SLC25A26: variants seen among roughly 807,000 people sequenced by gnomAD.
SLC25A26 encodes mitochondrial S-adenosylmethionine carrier protein.
Under a neutral mutation model 37.8 loss-of-function variants are expected in SLC25A26, and 36 were observed. The ratio of observed to expected loss-of-function variants is 0.95; its 90% CI spans 0.73 to 1.26. The LOEUF is 1.26. Ranked by LOEUF, SLC25A26 falls within the 50% of genes most tolerant of loss-of-function variation. The pLI, the probability that SLC25A26 is intolerant of heterozygous loss-of-function variation, is 0.00. For synonymous variants in SLC25A26, 129 were observed against 122.5 expected, an observed-to-expected ratio of 1.05 and a Z score of -0.35; for missense variants, 390 against 331.1, an observed-to-expected ratio of 1.18 and a Z score of -1.38.
intron 1 of SLC25A26, among the ~76,000 whole-genome samples, chr3:66,178,976 C>G (rs934407455): frequency 1.3e-5 from 2 of 152,038 alleles, no homozygotes; most frequent in African/African-American, 2.4e-5. Context: ...GGGAGGCAGA[C>G]AGGAACATGA....
rs77378613 is a variant in SLC25A26, at chr3:66,252,347, G to A, written c.300+9035G>A. Among the ~76,000 whole-genome samples, 517 of 152,230 alleles carry A rather than the reference G, an allele frequency of 3.4e-3. 3 individuals are homozygous for A. Among genetic ancestry groups the A allele is most frequent in the East Asian group, 0.017 (88 of 5,194 alleles). Reference sequence around the variant, plus strand: ...ACACCGAATAAGAAATTTGATCCCCGTTTTTGAGGAGCATATAAGTAAGTT... The same window carrying A: ...ACACCGAATAAGAAATTTGATCCCCATTTTTGAGGAGCATATAAGTAAGTT... On this transcript the variant is annotated intron_variant, in intron 3 of 9. Transcript: ENST00000354883.
At chr3:66,212,396 G>A (rs980708254) in intron 1 of SLC25A26, among the ~76,000 whole-genome samples, 3 of 151,972 alleles carry the variant, frequency 2.0e-5, no homozygotes, top group Non-Finnish European at 4.4e-5. Flanking sequence ...GATTACAAAT[G>A]CAAGCCAATG....
At position 66,366,721 on chromosome 3, in the gene SLC25A26, G is replaced by A. The variant is rs76345992; in HGVS notation, c.569-2757G>A. Among the ~76,000 whole-genome samples, 678 of 152,234 alleles carry A rather than the reference G, an allele frequency of 4.5e-3. 3 individuals carry two copies. Among genetic ancestry groups the A allele is most frequent in the East Asian group, 0.019 (97 of 5,184 alleles). ...AGGTCTTTTTAATTGGTTTAGGATCGTTTGTGAACATTTTCACATACGAAA... is the reference window on the plus strand; with the variant it reads ...AGGTCTTTTTAATTGGTTTAGGATCATTTGTGAACATTTTCACATACGAAA... On this transcript the variant is annotated intron_variant, in intron 7 of 9. Coordinates refer to ENST00000354883, the MANE Select transcript of SLC25A26 (RefSeq NM_001379210.1).
intron 1 of SLC25A26, among the ~76,000 whole-genome samples, chr3:66,210,586 C>T (rs1197081965): frequency 6.6e-6 from 1 of 151,938 alleles, no homozygotes; most frequent in East Asian, 1.9e-4. Flanking sequence ...GTGATCTTTG[C>T]TCACTGCAGC....
intron 1 of SLC25A26, among the ~76,000 whole-genome samples, chr3:66,158,179 C>A (rs1010574558): frequency 9.2e-5 from 14 of 152,274 alleles, no homozygotes; most frequent in Middle Eastern, 3.4e-3. Flanking sequence ...AGTACGGCAG[C>A]CTTTTTGAGG....
intron 5 of SLC25A26, among the ~76,000 whole-genome samples, chr3:66,286,802 A>G (rs2074527228): frequency 1.3e-5 from 2 of 152,048 alleles, no homozygotes; most frequent in African/African-American, 2.4e-5. Flanking sequence ...AGCTGGGATT[A>G]CAGGTGTGCA....
chr3:66,135,674 G>A (rs28421248), intron 1 of SLC25A26, among the ~76,000 whole-genome samples: 68,134 of 151,928 alleles, frequency 0.45, 16,080 homozygotes, highest in African/African-American at 0.59. Flanking sequence ...GGCTAAAGTG[G>A]GAGGATCTCT....
At chr3:66,206,559 T>G (rs1177811723) in intron 1 of SLC25A26, among the ~76,000 whole-genome samples, 1 of 152,230 alleles carries the variant, frequency 6.6e-6, no homozygotes, top group East Asian at 1.9e-4. Flanking sequence ...CTGTTTCTTT[T>G]ATAAGAAAAT....
chr3:66,165,902 T>C (rs959405135), intron 1 of SLC25A26, among the ~76,000 whole-genome samples: 1 of 151,992 alleles, frequency 6.6e-6, no homozygotes, highest in Non-Finnish European at 1.5e-5. Flanking sequence ...GACAGCAACC[T>C]AATTCCCTAC....
At chr3:66,371,502 A>G in intron 9 of SLC25A26, 1 of 1,366,464 alleles carries the variant, frequency 7.3e-7, no homozygotes. Context: ...AGTAGGTGAT[A>G]TTGGATGGTT....
chr3:66,141,763 C>T (rs2070039155), intron 1 of SLC25A26, among the ~76,000 whole-genome samples: 1 of 152,194 alleles, frequency 6.6e-6, no homozygotes, highest in Non-Finnish European at 1.5e-5. Context: ...GATCTGCCTA[C>T]CTTGGCCTCC....
At chr3:66,335,703 C>A (rs115703772) in intron 5 of SLC25A26, among the ~76,000 whole-genome samples, 3 of 152,178 alleles carry the variant, frequency 2.0e-5, no homozygotes, top group African/African-American at 7.2e-5. Context: ...GTAAGCCAGA[C>A]ACCTCCCCTG....
chr3:66,372,928 GA>G (rs1484018022), intron 9 of SLC25A26, among the ~76,000 whole-genome samples: 1 of 152,160 alleles, frequency 6.6e-6, no homozygotes, highest in Non-Finnish European at 1.5e-5. Context: ...CTCACCTTAG[GA>G]TGGAATGGTG....
At chr3:66,340,940 GGA>G (rs200200375) in intron 5 of SLC25A26, among the ~76,000 whole-genome samples, 1 of 151,680 alleles carries the variant, frequency 6.6e-6, no homozygotes, top group African/African-American at 2.4e-5. Context: ...AAATTCTGTT[GGA>G]GAGAGAGAGA....
chr3:66,258,046 A>G (rs1282396922), intron 3 of SLC25A26, among the ~76,000 whole-genome samples: 1 of 152,126 alleles, frequency 6.6e-6, no homozygotes, highest in Non-Finnish European at 1.5e-5. Context: ...ATTTTTTGGA[A>G]GATTGGCAGA....
intron 1 of SLC25A26, among the ~76,000 whole-genome samples, chr3:66,204,342 A>C (rs1367641446): frequency 5.6e-5 from 8 of 143,714 alleles, no homozygotes; most frequent in African/African-American, 1.0e-4. Flanking sequence ...AGGAGAATGG[A>C]GTGAACCCGG....
chr3:66,338,816 A>G (rs1215959520), intron 5 of SLC25A26, among the ~76,000 whole-genome samples: 1 of 152,020 alleles, frequency 6.6e-6, no homozygotes, highest in African/African-American at 2.4e-5. Context: ...TCATATGATT[A>G]TAATCATACA....
chr3:66,324,142 AGT>A (rs2075771868), intron 5 of SLC25A26: 1 of 151,414 alleles, frequency 6.6e-6, no homozygotes, highest in Non-Finnish European at 1.5e-5. Flanking sequence ...ATGAAAAAAA[AGT>A]GTGTCTTTAA....
chr3:66,345,056 G>T (rs1192835169), intron 5 of SLC25A26, among the ~76,000 whole-genome samples: 2 of 152,178 alleles, frequency 1.3e-5, no homozygotes, highest in Non-Finnish European at 2.9e-5. Context: ...CAGAGTACCT[G>T]GCACATGAGA....
Sources: allele counts gnomAD v4.1 joint callset (sites outside exome capture counted in the v4.1 genomes callset), GRCh38; gene constraint gnomAD v4.1.1; transcripts MANE v1.5; gene names NCBI Gene and HGNC (gene_info 2026-07-23, HGNC 2026-07-21).